Variants in SLC25A26 observed in about 807,000 individuals in gnomAD.
SLC25A26 encodes solute carrier family 25 member 26, also known as mitochondrial S-adenosylmethionine carrier protein.
A neutral mutation model predicts 37.8 loss-of-function variants in SLC25A26; 36 were observed. That is an observed-to-expected ratio of 0.95 (90% CI 0.73 to 1.26). The LOEUF (loss-of-function observed/expected upper bound fraction) is 1.26. Among genes scored for constraint, SLC25A26 ranks in the 50% most tolerant of loss-of-function variants. The pLI, the probability that SLC25A26 is intolerant of heterozygous loss-of-function variation, is 0.00. For missense variants in SLC25A26, 390 were observed against 331.1 expected, an observed-to-expected ratio of 1.18 and a Z score of -1.38; for synonymous variants, 129 against 122.5, an observed-to-expected ratio of 1.05 and a Z score of -0.35.
chr3:66,237,242 A>T (rs2072337141), intron 2 of SLC25A26, among the ~76,000 whole-genome samples: 1 of 152,254 alleles, frequency 6.6e-6, no homozygotes, highest in Admixed American at 6.5e-5. Context: ...TCTGTTGTTA[A>T]AATTTCCAAC....
At chr3:66,136,719 T>G (rs1279512609) in intron 1 of SLC25A26, among the ~76,000 whole-genome samples, 1 of 152,244 alleles carries the variant, frequency 6.6e-6, no homozygotes, top group African/African-American at 2.4e-5. Flanking sequence ...CTCTTGGCTT[T>G]GCATCAAGTA....
At chr3:66,218,976 A>C (rs1332290770), upstream of SLC25A26, among the ~76,000 whole-genome samples, 2 of 152,260 alleles carry the variant, frequency 1.3e-5, no homozygotes, top group Non-Finnish European at 2.9e-5. Context: ...TTGACGTATG[A>C]AAACTGTGTG....
At chr3:66,350,723 C>T (rs1013363407) in intron 6 of SLC25A26, among the ~76,000 whole-genome samples, 18 of 152,008 alleles carry the variant, frequency 1.2e-4, no homozygotes, top group East Asian at 1.2e-3. Context: ...TGAGCGCGCG[C>T]GTGCGCGCAC....
intron 3 of SLC25A26, among the ~76,000 whole-genome samples, chr3:66,257,670 A>G (rs1559624555): frequency 6.6e-6 from 1 of 152,136 alleles, no homozygotes; most frequent in Non-Finnish European, 1.5e-5. Flanking sequence ...TCTCTTGCTG[A>G]TAGCACTTTC....
intron 1 of SLC25A26, among the ~76,000 whole-genome samples, chr3:66,185,883 C>A (rs1278229626): frequency 6.6e-6 from 1 of 152,058 alleles, no homozygotes; most frequent in South Asian, 2.1e-4. Context: ...CTTTTTCAGA[C>A]CTTTACCATG....
intron 6 of SLC25A26, 48 bp downstream of exon 6, chr3:66,346,456 C>G: frequency 9.8e-7 from 1 of 1,024,360 alleles, no homozygotes; most frequent in Non-Finnish European, 1.4e-6. Flanking sequence ...TTATAACATA[C>G]CTAATAGTTT....
At position 66,371,422 on chromosome 3, in the gene SLC25A26, G is replaced by C. The variant is rs572057247; in HGVS notation, c.707+820G>C. 19 of 1,455,512 alleles carry C rather than the reference G, an allele frequency of 1.3e-5. No individual in the cohort carries two copies. In the East Asian group the frequency reaches 4.5e-4, roughly 34 times the overall value. 90.2% of individuals were successfully genotyped at this position (1,455,512 alleles called of 1,614,324 possible). On this transcript the variant is annotated intron_variant, in intron 9 of 9. Coordinates refer to ENST00000354883, the MANE Select transcript of SLC25A26 (RefSeq NM_001379210.1). ...TGGAGGACATGAAGTAGGTGAGTCAGGACCCAGTTAAGGTTTTTATAGGAG... is the reference window on the plus strand; with the variant it reads ...TGGAGGACATGAAGTAGGTGAGTCACGACCCAGTTAAGGTTTTTATAGGAG...
At chr3:66,177,918 C>T (rs1053740249) in intron 1 of SLC25A26, among the ~76,000 whole-genome samples, 4 of 152,086 alleles carry the variant, frequency 2.6e-5, no homozygotes, top group Admixed American at 2.6e-4. Flanking sequence ...ATTCTACATA[C>T]AGAAAAGAAT....
intron 1 of SLC25A26, among the ~76,000 whole-genome samples, chr3:66,233,174 C>T (rs1279179642): frequency 6.6e-6 from 1 of 152,204 alleles, no homozygotes; most frequent in Non-Finnish European, 1.5e-5. Flanking sequence ...GTGCCCTCCT[C>T]CTTTTGAGAA....
chr3:66,165,035 A>G (rs904850168), intron 1 of SLC25A26, among the ~76,000 whole-genome samples: 1 of 152,186 alleles, frequency 6.6e-6, no homozygotes, highest in Non-Finnish European at 1.5e-5. Context: ...AAGTGACAGT[A>G]TGTGACCTCA....
chr3:66,314,052 C>T (rs2075460802), intron 5 of SLC25A26, among the ~76,000 whole-genome samples: 3 of 152,272 alleles, frequency 2.0e-5, no homozygotes, highest in African/African-American at 7.2e-5. Flanking sequence ...GAAGGAGTAT[C>T]ATGTCATCTG....
intron 6 of SLC25A26, chr3:66,356,008 A>G (rs1327260988): frequency 8.8e-6 from 4 of 456,146 alleles, no homozygotes; most frequent in South Asian, 6.2e-5. Context: ...AAAAGCATAT[A>G]GTAAAATATC....
intron 1 of SLC25A26, among the ~76,000 whole-genome samples, chr3:66,149,746 A>T (rs149061660): frequency 6.6e-6 from 1 of 152,316 alleles, no homozygotes; most frequent in African/African-American, 2.4e-5. Flanking sequence ...TAATAAGATA[A>T]CTATATAATT....
intron 1 of SLC25A26, among the ~76,000 whole-genome samples, chr3:66,193,798 C>T (rs1177924714): frequency 6.6e-6 from 1 of 152,090 alleles, no homozygotes; most frequent in Non-Finnish European, 1.5e-5. Context: ...TTGGCTGGCC[C>T]CTATGCTAAA....
chr3:66,369,057 AAAAAAC>A (rs778653519), intron 7 of SLC25A26, among the ~76,000 whole-genome samples: 5,336 of 36,112 alleles, frequency 0.15, 567 homozygotes, highest in African/African-American at 0.3. Context: ...AAACAAAAAA[AAAAAAC>A]AAAAGACAGT....
chr3:66,194,938 G>T (rs1576631211), intron 1 of SLC25A26, among the ~76,000 whole-genome samples: 1 of 152,262 alleles, frequency 6.6e-6, no homozygotes, highest in African/African-American at 2.4e-5. Context: ...TGGACCCTGT[G>T]GTCTACCTGG....
chr3:66,259,434 A>G (rs1235842481), intron 3 of SLC25A26, among the ~76,000 whole-genome samples: 2 of 152,014 alleles, frequency 1.3e-5, no homozygotes, highest in African/African-American at 4.8e-5. Context: ...CCAGACTTCA[A>G]CTCAGCCTTG....
intron 5 of SLC25A26, chr3:66,304,532 A>T (rs1576835697): frequency 2.2e-6 from 1 of 454,980 alleles, no homozygotes; most frequent in Non-Finnish European, 4.4e-6. Flanking sequence ...ACATGCTGTT[A>T]TACTGGTAAG....
chr3:66,224,795 A>G (rs1047452065), intron 1 of SLC25A26, among the ~76,000 whole-genome samples: 6 of 152,352 alleles, frequency 3.9e-5, no homozygotes, highest in South Asian at 2.1e-4. Flanking sequence ...CCTAGATACA[A>G]TGGGGTTACA....
Sources: gnomAD v4.1 joint callset for allele counts (sites outside exome capture counted in the v4.1 genomes callset) on GRCh38, gnomAD v4.1.1 for gene constraint, MANE v1.5 for transcripts, NCBI Gene and HGNC (gene_info 2026-07-23, HGNC 2026-07-21) for gene names.